The following KYNU variants were observed in gnomAD, a reference collection of about 807,000 sequenced individuals.
KYNU encodes the protein kynureninase, also known as L-kynurenine hydrolase.
A neutral mutation model predicts 59.2 loss-of-function variants in KYNU; 54 were observed. The ratio of observed to expected loss-of-function variants is 0.91; its 90% CI spans 0.73 to 1.14. The LOEUF (loss-of-function observed/expected upper bound fraction) is 1.14. Ranked by LOEUF, KYNU falls within the 50% of genes most tolerant of loss-of-function variation. The pLI is 0.00. For missense variants in KYNU, 567 were observed against 554.4 expected (o/e 1.02, Z -0.23); for synonymous variants, 177 against 192.0 (o/e 0.92, Z 0.65).
intron 2 of KYNU, among the ~76,000 whole-genome samples, chr2:142,901,495 T>A (rs1300148499): frequency 1.3e-5 from 2 of 152,132 alleles, no homozygotes; most frequent in African/African-American, 4.8e-5. Flanking sequence ...TTTTCTTTCC[T>A]TTTCTTTCTG....
chr2:142,954,667 T>C, intron 4 of KYNU, 143 bp from the exon 5 acceptor site: 3 of 600,322 alleles, frequency 5.0e-6, no homozygotes, highest in Non-Finnish European at 9.2e-6. Flanking sequence ...GTGGGAAAAC[T>C]TCCATTTCTT....
At chr2:142,913,809 G>T (rs989298491) in intron 2 of KYNU, among the ~76,000 whole-genome samples, 1 of 152,168 alleles carries the variant, frequency 6.6e-6, no homozygotes, top group Non-Finnish European at 1.5e-5. Flanking sequence ...ATCCCTACTA[G>T]TATTGTTAAC....
At chr2:142,970,330 G>A (rs1176716433) in intron 8 of KYNU, among the ~76,000 whole-genome samples, 1 of 152,168 alleles carries the variant, frequency 6.6e-6, no homozygotes, top group Admixed American at 6.6e-5. Context: ...TTTAGAAGCA[G>A]TGTCTTCGAG....
At chr2:143,038,214 C>T (rs1209025577) in intron 12 of KYNU, among the ~76,000 whole-genome samples, 1 of 152,264 alleles carries the variant, frequency 6.6e-6, no homozygotes, top group African/African-American at 2.4e-5. Context: ...AGCATAACCA[C>T]AAAATTTCCT....
intron 3 of KYNU, among the ~76,000 whole-genome samples, chr2:142,926,133 G>A (rs2105010363): frequency 6.6e-6 from 1 of 152,226 alleles, no homozygotes; most frequent in South Asian, 2.1e-4. Context: ...CCTGTGGGGG[G>A]TGAGGGGCTA....
At chr2:142,952,753 C>T (rs900966930) in intron 4 of KYNU, among the ~76,000 whole-genome samples, 1 of 152,162 alleles carries the variant, frequency 6.6e-6, no homozygotes, top group Non-Finnish European at 1.5e-5. Context: ...AATGTCTGAG[C>T]TTCTACAGAA....
rs1019153907 is a variant in KYNU at position 142,944,097 on chromosome 2, C to T, written c.374-10713C>T. Among the ~76,000 whole-genome samples the T allele has an allele frequency of 2.0e-5, 3 of 152,276 alleles. No homozygotes were observed. The South Asian group carries it at 6.2e-4, about 32-fold the overall frequency. On this transcript the variant is annotated intron_variant, in intron 4 of 13. Coordinates refer to ENST00000264170, the MANE Select transcript of KYNU (RefSeq NM_003937.3). Reference sequence around the variant, plus strand: ...AAATACACAGAGTATTTTCTGTAAACAATGCTTTAACCCTGAAAGAACATT... The same window carrying T: ...AAATACACAGAGTATTTTCTGTAAATAATGCTTTAACCCTGAAAGAACATT...
rs1048663728 is a variant in KYNU, at chr2:143,051,095, G to T, written c.*8923G>T. ...CTCAAATAACACAATAATAATGGAGGTCATTGTGAAGTAGTGGATGTAAAT... is the reference window on the plus strand; with the variant it reads ...CTCAAATAACACAATAATAATGGAGTTCATTGTGAAGTAGTGGATGTAAAT... On this transcript the variant is annotated 3_prime_UTR_variant, in exon 14 of 14. Transcript: ENST00000264170. 3 of 152,244 alleles carry T rather than the reference G, an allele frequency of 2.0e-5. No individual in the cohort carries two copies. The highest frequency in any genetic ancestry group is 4.4e-5 in the Non-Finnish European group (3 of 68,014). 9.4% of individuals were successfully genotyped at this position (152,244 alleles called of 1,614,324 possible). A position where few individuals can be genotyped will look rare whatever the true frequency, so the allele number is the denominator to read the frequency against.
chr2:142,910,178 C>G (rs1452998731), intron 2 of KYNU, among the ~76,000 whole-genome samples: 1 of 127,412 alleles, frequency 7.8e-6, no homozygotes, highest in Non-Finnish European at 1.6e-5. Context: ...GCTCTGTCCC[C>G]CAGGCTGGAG....
intron 5 of KYNU, among the ~76,000 whole-genome samples, chr2:142,955,987 G>C (rs1392944078): frequency 6.6e-6 from 1 of 152,038 alleles, no homozygotes; most frequent in Non-Finnish European, 1.5e-5. Flanking sequence ...CGAGTTTGCT[G>C]TTTCATTGAT....
chr2:142,902,599 C>G (rs1682141259), intron 2 of KYNU, among the ~76,000 whole-genome samples: 1 of 151,948 alleles, frequency 6.6e-6, no homozygotes, highest in South Asian at 2.1e-4. Context: ...GGCCCTGGTG[C>G]CTTTGGATAA....
intron 4 of KYNU, among the ~76,000 whole-genome samples, chr2:142,939,602 C>T (rs868223628): frequency 1.5e-5 from 1 of 65,106 alleles, no homozygotes; most frequent in Non-Finnish European, 2.9e-5. Context: ...CTCCATCTCA[C>T]AAAAAAAAAA....
intron 2 of KYNU, among the ~76,000 whole-genome samples, chr2:142,887,414 T>C (rs917957764): frequency 6.6e-6 from 1 of 151,966 alleles, no homozygotes; most frequent in South Asian, 2.1e-4. Flanking sequence ...AACCAAAGAA[T>C]AGAATTACCA....
intron 10 of KYNU, among the ~76,000 whole-genome samples, chr2:142,999,388 C>A (rs1228615748): frequency 6.6e-6 from 1 of 152,016 alleles, no homozygotes; most frequent in Non-Finnish European, 1.5e-5. Context: ...ATAATAAAAT[C>A]TCAATTAACA....
intron 3 of KYNU, among the ~76,000 whole-genome samples, chr2:142,923,413 G>T (rs1573794921): frequency 6.6e-6 from 1 of 152,098 alleles, no homozygotes; most frequent in African/African-American, 2.4e-5. Flanking sequence ...AACTTTTTGG[G>T]TGATTATATT....
At chr2:143,035,823 A>G (rs1247092300) in intron 12 of KYNU, among the ~76,000 whole-genome samples, 1 of 152,108 alleles carries the variant, frequency 6.6e-6, no homozygotes. Flanking sequence ...TCACTCCTAG[A>G]GTGCAGTGAT....
chr2:143,006,769 C>G (rs533920209), intron 10 of KYNU, among the ~76,000 whole-genome samples: 1 of 151,984 alleles, frequency 6.6e-6, no homozygotes, highest in Non-Finnish European at 1.5e-5. Context: ...AGCAGCCTAA[C>G]TGGGAGGCAC....
intron 10 of KYNU, among the ~76,000 whole-genome samples, chr2:142,995,870 C>T (rs1685523213): frequency 6.6e-6 from 1 of 151,948 alleles, no homozygotes. Flanking sequence ...TGTTGTTTTG[C>T]CCACTTGTTT....
chr2:143,003,998 C>T (rs1472432260), intron 10 of KYNU, among the ~76,000 whole-genome samples: 1 of 152,202 alleles, frequency 6.6e-6, no homozygotes, highest in Non-Finnish European at 1.5e-5. Context: ...TTAAGATCTT[C>T]CATGAACAAA....
Sources: gnomAD v4.1 joint callset for allele counts (sites outside exome capture counted in the v4.1 genomes callset) on GRCh38, gnomAD v4.1.1 for gene constraint, MANE v1.5 for transcripts, NCBI Gene and HGNC (gene_info 2026-07-23, HGNC 2026-07-21) for gene names.